Variants in C1orf141 observed in about 807,000 individuals in gnomAD.
The protein encoded by C1orf141 is uncharacterized protein C1orf141.
Under a neutral mutation model 23.2 loss-of-function variants are expected in C1orf141, and 19 were observed. The observed-to-expected ratio is 0.82, with a 90% CI of 0.57 to 1.20. The LOEUF (loss-of-function observed/expected upper bound fraction) is 1.20, where lower values mean the gene tolerates loss of function less well. Ranked by LOEUF, C1orf141 falls within the 50% of genes most tolerant of loss-of-function variation. The probability of loss-of-function intolerance (pLI) is 0.00; values close to 1 mark genes in which losing one functional copy is unlikely to be tolerated. For missense variants in C1orf141, 469 were observed against 455.1 expected (o/e 1.03, Z -0.28); for synonymous variants, 153 against 154.6 (o/e 0.99, Z 0.08).
chr1:67,095,229 T>A lies in C1orf141; in HGVS notation c.603+6A>T, dbSNP rs757570302. 7 of 1,499,338 alleles carry A rather than the reference T, an allele frequency of 4.7e-6. No homozygotes were observed. In the South Asian group the frequency reaches 8.5e-5, roughly 18 times the overall value. The allele number at this position is 1,499,338 out of a possible 1,614,324, so 92.9% of individuals were successfully genotyped here. Reference sequence around the variant, plus strand: ...TTTACTTAACAATAGATGATATGCTTATTACCATGTGAGAAGTTACTGTCT... The same window carrying A: ...TTTACTTAACAATAGATGATATGCTAATTACCATGTGAGAAGTTACTGTCT... On this transcript the variant is annotated splice_donor_region_variant and intron_variant, in intron 7 of 7. Transcript: ENST00000684719.
intron 3 of C1orf141, 126 bp downstream of exon 3, chr1:67,127,040 T>G: frequency 1.9e-6 from 1 of 525,630 alleles, no homozygotes; most frequent in Non-Finnish European, 3.2e-6. Flanking sequence ...ACTAGTATAA[T>G]TAGTTGCTTT....
chr1:67,130,151 G>A (rs1391140835), intron 2 of C1orf141, among the ~76,000 whole-genome samples: 1 of 152,100 alleles, frequency 6.6e-6, no homozygotes. Flanking sequence ...CATCCCTCTT[G>A]TAAAACTAAA....
intron 5 of C1orf141, among the ~76,000 whole-genome samples, chr1:67,100,203 C>T (rs985102624): frequency 6.6e-6 from 1 of 152,082 alleles, no homozygotes; most frequent in East Asian, 1.9e-4. Flanking sequence ...TTGTTCTGTT[C>T]TTTCCTTCAG....
intron 5 of C1orf141, among the ~76,000 whole-genome samples, chr1:67,105,585 G>A (rs1423064685): frequency 2.6e-5 from 4 of 151,962 alleles, no homozygotes; most frequent in African/African-American, 9.7e-5. Flanking sequence ...CCCTCCCACA[G>A]ATGAAAACCA....
At chr1:67,131,977 G>A (rs1396464228) in intron 1 of C1orf141, among the ~76,000 whole-genome samples, 1 of 151,528 alleles carries the variant, frequency 6.6e-6, no homozygotes, top group East Asian at 2.0e-4. Context: ...TAGAGATGGG[G>A]TTTCACCATA....
intron 5 of C1orf141, among the ~76,000 whole-genome samples, chr1:67,106,765 A>C (rs1558190858): frequency 6.6e-6 from 1 of 152,340 alleles, no homozygotes; most frequent in East Asian, 1.9e-4. Flanking sequence ...TTACCGGAGA[A>C]ACAGAAACTA....
At chr1:67,120,492 C>G (rs10889655) in intron 4 of C1orf141, among the ~76,000 whole-genome samples, 2 of 151,834 alleles carry the variant, frequency 1.3e-5, no homozygotes, top group African/African-American at 2.4e-5. Context: ...TGCATCCCCC[C>G]CTTCAAATTC....
chr1:67,124,519 A>G (rs1301233706), intron 4 of C1orf141, among the ~76,000 whole-genome samples: 1 of 152,110 alleles, frequency 6.6e-6, no homozygotes, highest in African/African-American at 2.4e-5. Context: ...GGGTTTCACC[A>G]TGTTGCTCAG....
At chr1:67,133,478 C>T (rs1255911882) in intron 1 of C1orf141, among the ~76,000 whole-genome samples, 1 of 152,166 alleles carries the variant, frequency 6.6e-6, no homozygotes, top group East Asian at 1.9e-4. Context: ...ATCTCACATT[C>T]CAAGGATAGA....
rs1645670962 is a variant in C1orf141 at position 67,095,981 on chromosome 1, G to A, written c.416+271C>T. On this transcript the variant is annotated intron_variant, in intron 6 of 7. Transcript: ENST00000684719. ...ATCCAAAGAAAAGCTACTTTTTCAT[G>A]TCCATGTTGTCATGTAAGTAAATGT... 8 of 242,454 alleles carry A rather than the reference G, an allele frequency of 3.3e-5. No individual in the cohort carries two copies. The South Asian group carries it at 1.1e-3, about 34-fold the overall frequency. 15.0% of individuals were successfully genotyped at this position (242,454 alleles called of 1,614,324 possible).
rs749983187 is a variant in C1orf141, at chr1:67,096,252, C to A, written c.416G>T (p.Arg139Ile). The change falls in exon 6 of 8, where the codon AGA (arginine) becomes ATA (isoleucine). Residue 139 changes from arginine (R) to isoleucine (I), a missense_variant and splice_region_variant. Transcript: ENST00000684719. ...TATTAAGCATTTTAAAATAAATTAC[C>A]TTTTATTTCTATCACCTTCTAAGAG... The part of the protein sequence containing the change: ...VGLLEGDRNK[R>I]KKSPQMNDFN... 2.2e-6 allele frequency: 3 copies of A among 1,395,038 alleles called. No individual in the cohort carries two copies. The highest frequency in any genetic ancestry group is 2.3e-5 in the East Asian group (1 of 43,218). 86.4% of individuals were successfully genotyped at this position (1,395,038 alleles called of 1,614,324 possible). A position where few individuals can be genotyped will look rare whatever the true frequency, so the allele number is the denominator to read the frequency against.
At chr1:67,119,771 T>C (rs1646263577) in intron 4 of C1orf141, among the ~76,000 whole-genome samples, 2 of 152,204 alleles carry the variant, frequency 1.3e-5, no homozygotes, top group African/African-American at 4.8e-5. Flanking sequence ...TCTTAGATTC[T>C]ACAGGACCAG....
chr1:67,124,621 C>G (rs1162565664), intron 4 of C1orf141, among the ~76,000 whole-genome samples: 1 of 152,090 alleles, frequency 6.6e-6, no homozygotes, highest in Non-Finnish European at 1.5e-5. Flanking sequence ...GCCCGGCCCA[C>G]AAATGTCATA....
rs1646228414 is a variant in C1orf141 at position 67,117,929 on chromosome 1, C to T, written c.234-2465G>A. ...ATATTGAATACTCTGAATCTCAGTC[C>T]TTCATGTGTCAAATAAGGTTAATAG... On this transcript the variant is annotated intron_variant, in intron 4 of 7. Coordinates refer to ENST00000684719, the MANE Select transcript of C1orf141 (RefSeq NM_001276351.2). 2.0e-5 allele frequency among the ~76,000 whole-genome samples: 3 copies of T among 151,986 alleles called. No individual in the cohort carries two copies. In the South Asian group the frequency reaches 6.2e-4, roughly 32 times the overall value.
intron 3 of C1orf141, 75 bp downstream of exon 3, chr1:67,127,091 A>C: frequency 9.7e-7 from 1 of 1,029,966 alleles, no homozygotes; most frequent in Non-Finnish European, 1.4e-6. Context: ...TCATTAGCTA[A>C]AAAGTAAAAT....
chr1:67,107,626 C>T (rs890926669), intron 5 of C1orf141, among the ~76,000 whole-genome samples: 1 of 152,186 alleles, frequency 6.6e-6, no homozygotes, highest in African/African-American at 2.4e-5. Context: ...TAGTGGCTCA[C>T]GCCTGTAATC....
chr1:67,134,623 A>G (rs1178452392), intron 1 of C1orf141, among the ~76,000 whole-genome samples: 1 of 152,066 alleles, frequency 6.6e-6, no homozygotes, highest in Non-Finnish European at 1.5e-5. Flanking sequence ...CTCTATGCCT[A>G]TGGTCGTTTC....
chr1:67,129,398 G>T (rs1405941453), intron 2 of C1orf141, among the ~76,000 whole-genome samples: 1 of 152,138 alleles, frequency 6.6e-6, no homozygotes, highest in African/African-American at 2.4e-5. Flanking sequence ...CCAGGAGTTT[G>T]AGGCTGCAGT....
chr1:67,116,553 A>G (rs61308634), intron 4 of C1orf141, among the ~76,000 whole-genome samples: 12,793 of 151,882 alleles, frequency 0.084, 577 homozygotes, highest in East Asian at 0.12. Flanking sequence ...ATTTCCTTCA[A>G]CTGTTTCCTA....
Sources: allele counts gnomAD v4.1 joint callset (sites outside exome capture counted in the v4.1 genomes callset), GRCh38; gene constraint gnomAD v4.1.1; transcripts MANE v1.5; gene names NCBI Gene and HGNC (gene_info 2026-07-23, HGNC 2026-07-21).